MTUS2: variants seen among roughly 807,000 people sequenced by gnomAD.
The protein encoded by MTUS2 is microtubule-associated tumor suppressor candidate 2.
A neutral mutation model predicts 114.1 loss-of-function variants in MTUS2; 40 were observed. The observed-to-expected ratio is 0.35, with a 90% confidence interval of 0.27 to 0.46. The LOEUF is 0.46. MTUS2 is among the 20% of genes least tolerant of loss of function. The pLI is 1.00. For missense variants in MTUS2, 1,679 were observed against 1,705.4 expected (o/e 0.98, Z 0.27); for synonymous variants, 688 against 672.0 (o/e 1.02, Z -0.37).
intron 8 of MTUS2, among the ~76,000 whole-genome samples, chr13:29,411,327 T>TTATCTTTG (rs1332537447): frequency 6.6e-6 from 1 of 152,236 alleles, no homozygotes; most frequent in Non-Finnish European, 1.5e-5. Context: ...ATTAAAATGT[T>TTATCTTTG]TATCTTTGTC....
intron 5 of MTUS2, among the ~76,000 whole-genome samples, chr13:29,247,097 C>T (rs1896954751): frequency 1.3e-5 from 2 of 152,076 alleles, no homozygotes; most frequent in South Asian, 2.1e-4. Flanking sequence ...ATAGAAAACC[C>T]AGAAATAAAG....
Position 29,026,553 on chromosome 13 carries a change from C to G in MTUS2, c.1855C>G (p.Gln619Glu). 4 of 1,613,870 alleles carry G rather than the reference C, an allele frequency of 2.5e-6. No individual in the cohort carries two copies. Among genetic ancestry groups the G allele is most frequent in the Non-Finnish European group, 3.4e-6 (4 of 1,179,850 alleles). Residue 619 changes from glutamine (Q) to glutamate (E), a missense_variant, in exon 3 of 16, where the codon CAG (glutamine) becomes GAG (glutamate). By Grantham distance (29) the Gln-to-Glu change is conservative (BLOSUM62 2). Transcript: ENST00000612955. Reference protein sequence around the residue: ...PSSQEGMENYQVEKTEERTET... With the variant: ...PSSQEGMENYEVEKTEERTET... ...CTCGCAGGAGGGAATGGAGAACTAT[C>G]AGGTTGAAAAAACAGAGGAGAGGAC... is the stretch of plus-strand genomic sequence containing the variant.
intron 2 of MTUS2, among the ~76,000 whole-genome samples, chr13:28,880,139 T>C (rs1264215684): frequency 6.6e-6 from 1 of 152,212 alleles, no homozygotes; most frequent in Admixed American, 6.5e-5. Flanking sequence ...TGGTTAATAA[T>C]GTGATTTAAG....
At chr13:29,078,391 A>G (rs1889292919) in intron 4 of MTUS2, among the ~76,000 whole-genome samples, 1 of 152,224 alleles carries the variant, frequency 6.6e-6, no homozygotes, top group Non-Finnish European at 1.5e-5. Context: ...TTGAAAGTGA[A>G]GATATTTATA....
At chr13:29,418,178 T>G (rs1420370424) in intron 8 of MTUS2, among the ~76,000 whole-genome samples, 1 of 152,186 alleles carries the variant, frequency 6.6e-6, no homozygotes, top group Non-Finnish European at 1.5e-5. Context: ...TTGAAAAATA[T>G]GATTATTTCT....
intron 5 of MTUS2, among the ~76,000 whole-genome samples, chr13:29,223,887 C>T (rs1278372577): frequency 1.3e-5 from 2 of 152,242 alleles, no homozygotes; most frequent in African/African-American, 4.8e-5. Flanking sequence ...ATTCCCTGTG[C>T]CAGCCATGAA....
chr13:29,339,472 CA>C (rs1333056686), intron 7 of MTUS2: 1 of 153,002 alleles, frequency 6.5e-6, no homozygotes, highest in Non-Finnish European at 1.5e-5. Flanking sequence ...TGAGGGCCTA[CA>C]GCATGGTCTC....
chr13:29,314,353 A>C (rs1899898216), intron 6 of MTUS2, among the ~76,000 whole-genome samples: 1 of 152,232 alleles, frequency 6.6e-6, no homozygotes, highest in Admixed American at 6.5e-5. Context: ...CTGAGCAAAC[A>C]AAAACCAAGG....
At chr13:29,343,861 C>G (rs1425564734) in intron 7 of MTUS2, among the ~76,000 whole-genome samples, 1 of 152,050 alleles carries the variant, frequency 6.6e-6, no homozygotes, top group Non-Finnish European at 1.5e-5. Flanking sequence ...TCACTGTTAT[C>G]ATTTGGTTCA....
At chr13:28,957,804 G>A (rs776219911) in intron 2 of MTUS2, among the ~76,000 whole-genome samples, 1 of 152,140 alleles carries the variant, frequency 6.6e-6, no homozygotes, top group African/African-American at 2.4e-5. Context: ...ACTCTTTCTT[G>A]GGAACCACGT....
At chr13:28,962,951 C>T (rs918780534) in intron 2 of MTUS2, among the ~76,000 whole-genome samples, 1 of 152,168 alleles carries the variant, frequency 6.6e-6, no homozygotes, top group East Asian at 1.9e-4. Flanking sequence ...TCAGTATCCC[C>T]CCTTTCTACT....
At chr13:29,140,054 C>T (rs756946419) in intron 5 of MTUS2, among the ~76,000 whole-genome samples, 3 of 152,118 alleles carry the variant, frequency 2.0e-5, no homozygotes, top group East Asian at 3.8e-4. Context: ...TGAGTTTTCA[C>T]GGATGAGAAA....
intron 2 of MTUS2, among the ~76,000 whole-genome samples, chr13:28,894,221 C>A (rs1246895871): frequency 6.9e-6 from 1 of 144,432 alleles, no homozygotes; most frequent in Non-Finnish European, 1.5e-5. Flanking sequence ...GATGAGGTCA[C>A]ATGAGGGTGG....
At chr13:29,242,736 TTTGA>T (rs1284936440) in intron 5 of MTUS2, 1 of 152,258 alleles carries the variant, frequency 6.6e-6, no homozygotes, top group African/African-American at 2.4e-5. Context: ...CATCCCTGCC[TTTGA>T]AGAACTTATA....
At chr13:29,008,918 T>G (rs1885717055) in intron 2 of MTUS2, among the ~76,000 whole-genome samples, 1 of 152,038 alleles carries the variant, frequency 6.6e-6, no homozygotes, top group Admixed American at 6.5e-5. Context: ...TTTCTCCTTT[T>G]GTTTTCTCCA....
chr13:29,205,409 AT>A lies in MTUS2; in HGVS notation c.2645-76288del, dbSNP rs747822681. 2.6e-5 allele frequency among the ~76,000 whole-genome samples: 4 copies of A among 151,448 alleles called. No individual in the cohort carries two copies. In the South Asian group the frequency reaches 6.2e-4, roughly 24 times the overall value. ...CATTTCTCTCTTTTCGCTTTTGTTTATTTTTTTAATTATTTCAGTATTTTTT... is the reference window on the plus strand; with the variant it reads ...CATTTCTCTCTTTTCGCTTTTGTTTATTTTTTAATTATTTCAGTATTTTTT... On this transcript the variant is annotated intron_variant, in intron 5 of 15. Transcript: ENST00000612955.
intron 5 of MTUS2, among the ~76,000 whole-genome samples, chr13:29,243,360 G>A (rs972868534): frequency 2.6e-5 from 4 of 152,184 alleles, no homozygotes; most frequent in Non-Finnish European, 5.9e-5. Context: ...GAGCCAATAG[G>A]CAGACAGATG....
intron 2 of MTUS2, among the ~76,000 whole-genome samples, chr13:28,930,107 A>G (rs1248505369): frequency 1.3e-5 from 2 of 152,164 alleles, no homozygotes; most frequent in Non-Finnish European, 2.9e-5. Context: ...CTTTTTCAAG[A>G]AAAAAATGTA....
In MTUS2 at chr13:29,050,754, G is replaced by A. The variant is rs143476143; in HGVS notation, c.2446+16629G>A. Reference sequence around the variant, plus strand: ...AAAGCTTTGAGAATATGCCATGTTGGTTTCCACTGGACTCTCAGCTCATCT... The same window carrying A: ...AAAGCTTTGAGAATATGCCATGTTGATTTCCACTGGACTCTCAGCTCATCT... On this transcript the variant is annotated intron_variant, in intron 4 of 15. Coordinates refer to ENST00000612955, the MANE Select transcript of MTUS2 (RefSeq NM_001033602.4). Among the ~76,000 whole-genome samples, 9 of 152,330 alleles carry A rather than the reference G, an allele frequency of 5.9e-5. No homozygotes were observed. The East Asian group carries it at 1.7e-3, about 29-fold the overall frequency.
Sources: allele counts gnomAD v4.1 joint callset (sites outside exome capture counted in the v4.1 genomes callset), GRCh38; gene constraint gnomAD v4.1.1; transcripts MANE v1.5; gene names NCBI Gene and HGNC (gene_info 2026-07-23, HGNC 2026-07-21).